Variants in DOCK7 observed in about 807,000 individuals in gnomAD.
DOCK7 encodes dedicator of cytokinesis protein 7.
In DOCK7, 138 loss-of-function variants were observed where a neutral mutation model predicts 271.0. The ratio of observed to expected loss-of-function variants is 0.51; its 90% confidence interval spans 0.44 to 0.59. DOCK7 has a LOEUF of 0.59. Among genes scored for constraint, DOCK7 ranks in the 20% least tolerant of loss-of-function variants. The probability of loss-of-function intolerance (pLI) is 0.00; values close to 1 mark genes in which losing one functional copy is unlikely to be tolerated. For missense variants in DOCK7, 2,066 were observed against 2,592.4 expected (o/e 0.80, Z 4.41); for synonymous variants, 823 against 876.1 (o/e 0.94, Z 1.07).
chr1:62,577,640 A>C (rs923365062), intron 17 of DOCK7, among the ~76,000 whole-genome samples: 3 of 152,246 alleles, frequency 2.0e-5, no homozygotes, highest in Non-Finnish European at 4.4e-5. Context: ...CTTAGAAAAA[A>C]GCCATGAAGT....
At chr1:62,493,278 T>C (rs1034017161) in intron 40 of DOCK7, among the ~76,000 whole-genome samples, 4 of 152,176 alleles carry the variant, frequency 2.6e-5, no homozygotes, top group South Asian at 2.1e-4. Context: ...AGCCCTCTTA[T>C]TCAATGAGAT....
chr1:62,652,572 C>T (rs563792460), intron 4 of DOCK7, among the ~76,000 whole-genome samples: 1 of 152,170 alleles, frequency 6.6e-6, no homozygotes, highest in East Asian at 1.9e-4. Context: ...GCCCAGCACA[C>T]AGTAAACCCA....
chr1:62,649,489 G>A (rs1168092), intron 4 of DOCK7, among the ~76,000 whole-genome samples: 149,142 of 152,316 alleles, frequency 0.98, 73,101 homozygotes, highest in Middle Eastern at 1. Flanking sequence ...TTAGAAGCAG[G>A]TATCTTAATC....
intron 43 of DOCK7, chr1:62,479,672 TTTTA>T (rs2149266096): frequency 9.0e-6 from 3 of 331,556 alleles, no homozygotes; most frequent in Non-Finnish European, 1.9e-5. Flanking sequence ...ACTTTTTGTT[TTTTA>T]TTTATTTTTA....
chr1:62,568,219 T>C (rs1646589276), intron 18 of DOCK7, among the ~76,000 whole-genome samples: 2 of 151,820 alleles, frequency 1.3e-5, no homozygotes, highest in South Asian at 4.1e-4. Context: ...AAAAAGACAA[T>C]GTACCAGAAT....
At chr1:62,582,617 T>C (rs372716524) in intron 16 of DOCK7, among the ~76,000 whole-genome samples, 1 of 53,854 alleles carries the variant, frequency 1.9e-5, no homozygotes, top group Non-Finnish European at 4.3e-5. Context: ...AAAAAAAAGA[T>C]AAAATGAATT....
chr1:62,560,575 C>G (rs1646290350), intron 19 of DOCK7, among the ~76,000 whole-genome samples: 1 of 152,114 alleles, frequency 6.6e-6, no homozygotes, highest in Admixed American at 6.6e-5. Flanking sequence ...CTATGGCATT[C>G]AAGGTCCTTC....
intron 41 of DOCK7, among the ~76,000 whole-genome samples, chr1:62,491,402 T>G (rs969023295): frequency 6.6e-6 from 1 of 152,236 alleles, no homozygotes; most frequent in African/African-American, 2.4e-5. Context: ...AGGAAGTAAC[T>G]GATCCTATCA....
chr1:62,637,685 A>C (rs1655450950), intron 7 of DOCK7, among the ~76,000 whole-genome samples: 1 of 152,240 alleles, frequency 6.6e-6, no homozygotes, highest in African/African-American at 2.4e-5. Context: ...AGACTTTAAT[A>C]AAGGGACATT....
chr1:62,638,173 C>T (rs1003496925), intron 7 of DOCK7: 1 of 152,034 alleles, frequency 6.6e-6, no homozygotes, highest in East Asian at 1.9e-4. Context: ...TTGACTCTTT[C>T]CTCATGAATT....
intron 49 of DOCK7, among the ~76,000 whole-genome samples, chr1:62,455,683 TTGTC>T (rs1040636239): frequency 6.6e-6 from 1 of 152,196 alleles, no homozygotes; most frequent in Non-Finnish European, 1.5e-5. Flanking sequence ...TTGTATTCGT[TTGTC>T]TGACTGATGC....
At chr1:62,519,241 A>G (rs1389624775) in intron 31 of DOCK7, among the ~76,000 whole-genome samples, 2 of 152,222 alleles carry the variant, frequency 1.3e-5, no homozygotes, top group Non-Finnish European at 2.9e-5. Flanking sequence ...AAAATTTAGT[A>G]AAGACCAAAA....
rs944413283 is a variant in DOCK7, at chr1:62,631,098, T to C, written c.1282+142A>G. The C allele has an allele frequency of 1.1e-4, 65 of 592,646 alleles. No individual in the cohort carries two copies. The African/African-American group carries it at 1.1e-3, about 10-fold the overall frequency. 36.7% of individuals were successfully genotyped at this position (592,646 alleles called of 1,614,324 possible). ...TACTCAGGAGGCTGAGGCAGGAGAA[T>C]TGCTTGAACCCCGGTGGCAAAGGTT... On this transcript the variant is annotated intron_variant, in intron 11 of 49. Transcript: ENST00000635253.
At chr1:62,459,427 CAT>C (rs1372327495) in intron 48 of DOCK7, among the ~76,000 whole-genome samples, 1 of 151,718 alleles carries the variant, frequency 6.6e-6, no homozygotes, top group Non-Finnish European at 1.5e-5. Context: ...TTTTAGTAGA[CAT>C]GGAGTTTCTC....
At chr1:62,500,314 T>C (rs996823357) in intron 37 of DOCK7, among the ~76,000 whole-genome samples, 4 of 151,894 alleles carry the variant, frequency 2.6e-5, no homozygotes, top group African/African-American at 9.7e-5. Context: ...CAATAACATA[T>C]AATCAATTAC....
At chr1:62,584,449 C>G in intron 15 of DOCK7, 1 of 1,021,770 alleles carries the variant, frequency 9.8e-7, no homozygotes, top group Non-Finnish European at 1.2e-6. Flanking sequence ...TGTTTATATA[C>G]TCTTTCAAAT....
At chr1:62,537,753 A>T in intron 28 of DOCK7, 138 bp downstream of exon 28, 1 of 719,822 alleles carries the variant, frequency 1.4e-6, no homozygotes, top group Non-Finnish European at 2.1e-6. Flanking sequence ...GGATTAAATG[A>T]CTTTTAATAC....
At chr1:62,545,509 T>C (rs1183527621) in intron 22 of DOCK7, among the ~76,000 whole-genome samples, 2 of 152,110 alleles carry the variant, frequency 1.3e-5, no homozygotes, top group Admixed American at 6.6e-5. Context: ...CCCATAATTC[T>C]ATTTGAGCTT....
Position 62,648,112 on chromosome 1 carries a change from TG to T in DOCK7, c.725del (p.Pro242GlnfsTer7). ...HKELFALHPSPDEEEPIERLS... is the reference protein window; with the variant it reads ...HKELFALHPSXDEEEPIERLS... The stretch of plus-strand genomic sequence containing the variant: ...TATATGCAAACATCTATACCTCATC[TG>T]GTGATGGATGCAAAGCAAAAAGTTC... On this transcript the variant is annotated frameshift_variant, in exon 6 of 50. Transcript: ENST00000635253. LOFTEE classifies it high-confidence loss of function. 6.2e-7 allele frequency: 1 copy of T among 1,612,758 alleles called. No individual in the cohort carries two copies. Among genetic ancestry groups the T allele is most frequent in the Non-Finnish European group, 8.5e-7 (1 of 1,179,168 alleles).
Sources: gnomAD v4.1 joint callset for allele counts (sites outside exome capture counted in the v4.1 genomes callset) on GRCh38, gnomAD v4.1.1 for gene constraint, MANE v1.5 for transcripts, NCBI Gene and HGNC (gene_info 2026-07-23, HGNC 2026-07-21) for gene names.